Variants in TTLL11 observed in about 807,000 individuals in gnomAD.
TTLL11 encodes tubulin polyglutamylase TTLL11.
A neutral mutation model predicts 51.7 loss-of-function variants in TTLL11; 42 were observed. The observed-to-expected ratio is 0.81, with a 90% confidence interval of 0.64 to 1.05. TTLL11 has a LOEUF of 1.05. Ranked by LOEUF, TTLL11 falls within the 50% of genes least tolerant of loss-of-function variation. The pLI, the probability that TTLL11 is intolerant of heterozygous loss-of-function variation, is 0.00. For synonymous variants in TTLL11, 381 were observed against 383.5 expected (o/e 0.99, Z 0.08); for missense variants, 799 against 940.4 (o/e 0.85, Z 1.97).
chr9:121,860,228 G>T, intron 8 of TTLL11, 109 bp downstream of exon 8: 1 of 788,562 alleles, frequency 1.3e-6, no homozygotes, highest in Non-Finnish European at 2.0e-6. Context: ...TAGATCTGAT[G>T]GCATCATCTT....
intron 3 of TTLL11, among the ~76,000 whole-genome samples, chr9:122,002,753 T>C (rs2131727885): frequency 6.6e-6 from 1 of 152,002 alleles, no homozygotes; most frequent in South Asian, 2.1e-4. Flanking sequence ...GAGACCATCC[T>C]GGCCAACATG....
At chr9:122,077,883 C>G (rs1411618224) in intron 1 of TTLL11, among the ~76,000 whole-genome samples, 2 of 149,214 alleles carry the variant, frequency 1.3e-5, no homozygotes, top group Non-Finnish European at 3.0e-5. Context: ...GAAAAAACAT[C>G]CTCTAACCAC....
chr9:122,003,123 C>G, intron 3 of TTLL11, among the ~76,000 whole-genome samples: 1 of 151,930 alleles, frequency 6.6e-6, no homozygotes, highest in African/African-American at 2.4e-5. Flanking sequence ...ATACCATGAG[C>G]TAAACAGCCA....
chr9:122,062,845 T>C (rs1845474078), intron 1 of TTLL11, among the ~76,000 whole-genome samples: 1 of 152,024 alleles, frequency 6.6e-6, no homozygotes, highest in Non-Finnish European at 1.5e-5. Flanking sequence ...AGTGGCACAA[T>C]TACTGTTCGC....
chr9:122,010,193 T>C (rs1026900906), intron 3 of TTLL11, among the ~76,000 whole-genome samples: 1 of 152,242 alleles, frequency 6.6e-6, no homozygotes, highest in African/African-American at 2.4e-5. Flanking sequence ...GTCTCTTTCC[T>C]CTTAATCATC....
At chr9:121,877,678 A>T (rs117038707) in intron 6 of TTLL11, among the ~76,000 whole-genome samples, 2,325 of 152,340 alleles carry the variant, frequency 0.015, 31 homozygotes, top group South Asian at 0.061. Context: ...AATTGCACAT[A>T]CTATGTGCCA....
chr9:121,912,370 C>T (rs1041378414), intron 6 of TTLL11, among the ~76,000 whole-genome samples: 6 of 152,060 alleles, frequency 3.9e-5, no homozygotes, highest in Non-Finnish European at 7.4e-5. Flanking sequence ...GATCTTCCAC[C>T]CTTACCTTCC....
intron 1 of TTLL11, among the ~76,000 whole-genome samples, chr9:122,061,065 T>C (rs1845421513): frequency 6.6e-6 from 1 of 152,186 alleles, no homozygotes; most frequent in Non-Finnish European, 1.5e-5. Context: ...CTTCCTGGCT[T>C]CTGGTGGATG....
At chr9:122,070,958 A>G (rs1845710433) in intron 1 of TTLL11, among the ~76,000 whole-genome samples, 2 of 152,148 alleles carry the variant, frequency 1.3e-5, no homozygotes, top group African/African-American at 4.8e-5. Context: ...AGGAGCAGGC[A>G]CCGTGTGATC....
At chr9:121,933,161 G>T (rs944206074) in intron 6 of TTLL11, among the ~76,000 whole-genome samples, 4 of 152,274 alleles carry the variant, frequency 2.6e-5, no homozygotes, top group Admixed American at 6.5e-5. Flanking sequence ...ATCAAGGAGG[G>T]AGATAATGAG....
At chr9:121,904,475 C>T (rs932752786) in intron 6 of TTLL11, among the ~76,000 whole-genome samples, 5 of 152,176 alleles carry the variant, frequency 3.3e-5, no homozygotes, top group African/African-American at 1.2e-4. Flanking sequence ...ACGCCCAGCC[C>T]AATACATTCC....
intron 1 of TTLL11, among the ~76,000 whole-genome samples, chr9:122,057,322 CTTT>C (rs58226814): frequency 1.0e-3 from 129 of 128,122 alleles, no homozygotes; most frequent in East Asian, 4.3e-3. Flanking sequence ...AGCTCAAATC[CTTT>C]TTTTTTTTTT....
intron 1 of TTLL11, among the ~76,000 whole-genome samples, chr9:122,060,313 A>G (rs1845405426): frequency 6.6e-6 from 1 of 152,364 alleles, no homozygotes; most frequent in East Asian, 1.9e-4. Flanking sequence ...ATAGTGATTC[A>G]CAATTTAATA....
At chr9:121,906,032 T>C (rs923528281) in intron 6 of TTLL11, among the ~76,000 whole-genome samples, 1 of 152,214 alleles carries the variant, frequency 6.6e-6, no homozygotes, top group African/African-American at 2.4e-5. Context: ...AATAGGGTGA[T>C]ACTTTTTCTA....
intron 1 of TTLL11, among the ~76,000 whole-genome samples, chr9:122,053,107 C>A (rs1036454877): frequency 3.9e-5 from 6 of 152,194 alleles, no homozygotes; most frequent in African/African-American, 1.4e-4. Context: ...CAGAAGCTGG[C>A]CGTCCACAAA....
In TTLL11 at chr9:121,848,583, AT is replaced by A. The variant is rs1376744701; in HGVS notation, c.1840+11753del. Among the ~76,000 whole-genome samples, 3 of 152,212 alleles carry A rather than the reference AT, an allele frequency of 2.0e-5. No individual in the cohort carries two copies. In the East Asian group the frequency reaches 5.8e-4, roughly 29 times the overall value. ...ATACAAGGTTATTATAGGAAAGTCAATTTTTAAAAATATATTAGCAATGAAC... is the reference window on the plus strand; with the variant it reads ...ATACAAGGTTATTATAGGAAAGTCAATTTTAAAAATATATTAGCAATGAAC... On this transcript the variant is annotated intron_variant, in intron 8 of 8. Coordinates refer to ENST00000321582, the MANE Select transcript of TTLL11 (RefSeq NM_001139442.2).
At chr9:122,045,556 A>G (rs1044259449) in intron 1 of TTLL11, among the ~76,000 whole-genome samples, 1 of 152,216 alleles carries the variant, frequency 6.6e-6, no homozygotes, top group Non-Finnish European at 1.5e-5. Flanking sequence ...ATCGCAAAAA[A>G]AAGAAAAGAA....
At chr9:122,077,686 A>C (rs191646207) in intron 1 of TTLL11, among the ~76,000 whole-genome samples, 1 of 152,234 alleles carries the variant, frequency 6.6e-6, no homozygotes, top group Admixed American at 6.5e-5. Flanking sequence ...TCAGGGCTAC[A>C]AAATTTATAT....
intron 8 of TTLL11, among the ~76,000 whole-genome samples, chr9:121,834,829 GA>G (rs201992639): frequency 0.26 from 37,177 of 140,972 alleles, 4,815 homozygotes; most frequent in East Asian, 0.37. Flanking sequence ...TCTGTCTCAG[GA>G]AAAAAAAAAA....
Sources: gnomAD v4.1 joint callset for allele counts (sites outside exome capture counted in the v4.1 genomes callset) on GRCh38, gnomAD v4.1.1 for gene constraint, MANE v1.5 for transcripts, NCBI Gene and HGNC (gene_info 2026-07-23, HGNC 2026-07-21) for gene names.